Variants in TBC1D22A observed in about 807,000 individuals in gnomAD.
The protein encoded by TBC1D22A is TBC1 domain family member 22A.
A neutral mutation model predicts 60.2 loss-of-function variants in TBC1D22A; 38 were observed. The observed-to-expected ratio is 0.63, with a 90% CI of 0.49 to 0.83. TBC1D22A has a LOEUF of 0.83. TBC1D22A is among the 40% of genes least tolerant of loss of function. The pLI is 0.00. For missense variants in TBC1D22A, 628 were observed against 701.0 expected, an observed-to-expected ratio of 0.90 and a Z score of 1.18; for synonymous variants, 302 against 281.7, an observed-to-expected ratio of 1.07 and a Z score of -0.72.
intron 8 of TBC1D22A, among the ~76,000 whole-genome samples, chr22:46,930,487 G>A (rs371952332): frequency 2.6e-5 from 4 of 151,920 alleles, no homozygotes; most frequent in South Asian, 2.1e-4. Flanking sequence ...ACGGAGTCTC[G>A]CTCTGTCACC....
chr22:46,897,634 C>T (rs58145109), intron 7 of TBC1D22A, among the ~76,000 whole-genome samples: 2,215 of 118,574 alleles, frequency 0.019, 80 homozygotes, highest in African/African-American at 0.079. Flanking sequence ...TGTTTTGTTT[C>T]GTTTTGTTTT....
At chr22:47,155,225 A>T (rs2067664579) in intron 12 of TBC1D22A, among the ~76,000 whole-genome samples, 1 of 151,954 alleles carries the variant, frequency 6.6e-6, no homozygotes, top group Non-Finnish European at 1.5e-5. Context: ...AAAAAAAAAA[A>T]ATGAAATGAA....
rs530875161 is a variant in TBC1D22A at position 46,858,078 on chromosome 22, T to A, written c.638-20575T>A. 4.5e-4 allele frequency among the ~76,000 whole-genome samples: 68 copies of A among 152,340 alleles called. 1 individual carries two copies. Among genetic ancestry groups the A allele is most frequent in the African/African-American group, 1.6e-3 (65 of 41,598 alleles). ...CTTTCCTGCAGCTGCCACAGCATTT[T>A]ACCTTCCCACCAGCAATGCATGAGG... On this transcript the variant is annotated intron_variant, in intron 4 of 12. Transcript: ENST00000337137.
At chr22:47,074,864 G>A (rs2064138976) in intron 11 of TBC1D22A, among the ~76,000 whole-genome samples, 1 of 152,206 alleles carries the variant, frequency 6.6e-6, no homozygotes, top group South Asian at 2.1e-4. Context: ...CAGTGTTCTT[G>A]TGAGCATCTA....
chr22:46,945,762 G>A (rs770267359), intron 8 of TBC1D22A, among the ~76,000 whole-genome samples: 5 of 152,140 alleles, frequency 3.3e-5, no homozygotes, highest in Non-Finnish European at 7.4e-5. Context: ...TACCTGCCTC[G>A]TGCCTTCCTT....
chr22:47,065,646 G>T (rs2063734185), intron 11 of TBC1D22A, among the ~76,000 whole-genome samples: 2 of 152,406 alleles, frequency 1.3e-5, no homozygotes, highest in Non-Finnish European at 1.5e-5. Flanking sequence ...GTTGGGACTG[G>T]GTTGGATTGA....
chr22:47,023,871 C>T (rs568634320), intron 10 of TBC1D22A, among the ~76,000 whole-genome samples: 1 of 152,302 alleles, frequency 6.6e-6, no homozygotes, highest in African/African-American at 2.4e-5. Context: ...GGAATATGGT[C>T]CTAGATGACC....
intron 12 of TBC1D22A, among the ~76,000 whole-genome samples, chr22:47,113,415 T>C (rs2065919251): frequency 6.6e-6 from 1 of 151,744 alleles, no homozygotes. Context: ...CCATGCCTGG[T>C]GGTGGGAGGT....
At chr22:46,813,477 C>T (rs890702327) in intron 4 of TBC1D22A, among the ~76,000 whole-genome samples, 8 of 152,096 alleles carry the variant, frequency 5.3e-5, no homozygotes, top group Admixed American at 1.3e-4. Context: ...TTGGCTTTTC[C>T]GTTTTCCCAG....
At chr22:46,898,860 G>A (rs1461161080) in intron 7 of TBC1D22A, among the ~76,000 whole-genome samples, 4 of 152,214 alleles carry the variant, frequency 2.6e-5, no homozygotes, top group Non-Finnish European at 5.9e-5. Flanking sequence ...CCAGGTCCCA[G>A]CTTGACTTTT....
chr22:46,881,735 T>A (rs2067862067), intron 5 of TBC1D22A, among the ~76,000 whole-genome samples: 1 of 151,744 alleles, frequency 6.6e-6, no homozygotes, highest in Non-Finnish European at 1.5e-5. Flanking sequence ...AGGGGTGGAG[T>A]AAGAGGACTC....
intron 8 of TBC1D22A, among the ~76,000 whole-genome samples, chr22:46,970,278 C>T (rs189757259): frequency 9.9e-5 from 15 of 152,282 alleles, no homozygotes; most frequent in Admixed American, 8.5e-4. Context: ...CCCCACCCTC[C>T]GTTGATTGGC....
chr22:47,034,436 T>C (rs893243948), intron 10 of TBC1D22A, among the ~76,000 whole-genome samples: 5 of 152,088 alleles, frequency 3.3e-5, no homozygotes, highest in African/African-American at 9.6e-5. Flanking sequence ...AGAGTCGAGA[T>C]GAGAATCTGT....
Position 46,792,534 on chromosome 22 carries a change from A to G in TBC1D22A, c.77A>G (p.Tyr26Cys). The change falls in exon 2 of 13, where the codon TAT becomes TGT. Residue 26 changes from tyrosine to cysteine, a missense_variant. Tyr to Cys is a radical substitution (Grantham distance 194). Coordinates refer to ENST00000337137, the MANE Select transcript of TBC1D22A (RefSeq NM_014346.5). ...TTTTCCATCAGCATCCAGCACGTGT[A>G]TGGTGCCCAGCACCCCCCCTTTGAT... ...SKLPGSIQHV[Y>C]GAQHPPFDPL... 1 of 1,614,174 alleles carries G rather than the reference A, an allele frequency of 6.2e-7. No homozygotes were observed. Among genetic ancestry groups the G allele is most frequent in the Non-Finnish European group, 8.5e-7 (1 of 1,180,038 alleles).
At chr22:47,012,651 C>T (rs2061787271) in intron 10 of TBC1D22A, among the ~76,000 whole-genome samples, 1 of 152,172 alleles carries the variant, frequency 6.6e-6, no homozygotes, top group African/African-American at 2.4e-5. Context: ...TCCTCCTGAA[C>T]AAGTAGAGAG....
intron 11 of TBC1D22A, among the ~76,000 whole-genome samples, chr22:47,105,620 A>G (rs766123412): frequency 8.5e-5 from 13 of 152,234 alleles, no homozygotes; most frequent in Non-Finnish European, 1.2e-4. Context: ...CTACAATCCT[A>G]CATTCACATG....
chr22:46,931,260 T>C (rs2058014805), intron 8 of TBC1D22A, among the ~76,000 whole-genome samples: 1 of 152,230 alleles, frequency 6.6e-6, no homozygotes. Flanking sequence ...GATGTTGGGA[T>C]TTTTATCCTT....
chr22:46,916,024 C>T (rs915227240), intron 8 of TBC1D22A: 6 of 453,974 alleles, frequency 1.3e-5, no homozygotes, highest in Admixed American at 1.2e-4. Flanking sequence ...GAGCTTTACC[C>T]GAGGACAGAT....
intron 5 of TBC1D22A, among the ~76,000 whole-genome samples, chr22:46,879,210 A>C (rs951003824): frequency 6.6e-6 from 1 of 151,002 alleles, no homozygotes; most frequent in African/African-American, 2.4e-5. Flanking sequence ...GGGTGAGAGA[A>C]GTGGTTTGTG....
Sources: gnomAD v4.1 joint callset for allele counts (sites outside exome capture counted in the v4.1 genomes callset) on GRCh38, gnomAD v4.1.1 for gene constraint, MANE v1.5 for transcripts, NCBI Gene and HGNC (gene_info 2026-07-23, HGNC 2026-07-21) for gene names.